FBN3: variants seen among roughly 807,000 people sequenced by gnomAD.
FBN3 encodes the protein fibrillin-3.
FBN3 carries 234 observed loss-of-function variants against 330.1 expected under a neutral mutation model. That is an observed-to-expected ratio of 0.71 (90% CI 0.64 to 0.79). The LOEUF (loss-of-function observed/expected upper bound fraction) is 0.79. Among genes scored for constraint, FBN3 ranks in the 30% least tolerant of loss-of-function variants. FBN3 has a pLI of 0.00. For missense variants in FBN3, 3,606 were observed against 3,886.9 expected (o/e 0.93, Z 1.92); for synonymous variants, 1,458 against 1,517.3 (o/e 0.96, Z 0.91).
intron 13 of FBN3, 25 bp downstream of exon 13, chr19:8,135,936 G>GGGCACCCCCC: frequency 1.5e-6 from 1 of 668,778 alleles, no homozygotes. Flanking sequence ...GGAAGCCCCT[G>GGGCACCCCCC]CCCACCCGCC....
rs546092659 is a variant in FBN3, at chr19:8,125,880, G to A, written c.2731+12C>T. ...ACGTGTGGCCCTGTATGCGGACCTC[G>A]CCTGGACTCACCCACGCACAGCCGG... is the stretch of plus-strand genomic sequence containing the variant. On this transcript the variant is annotated intron_variant, in intron 22 of 63. Coordinates refer to ENST00000600128, the MANE Select transcript of FBN3 (RefSeq NM_032447.5). The A allele has an allele frequency of 1.7e-5, 28 of 1,607,624 alleles. No homozygotes were observed. The highest frequency in any genetic ancestry group is 1.7e-4 in the Middle Eastern group (1 of 6,026).
chr19:8,140,082 C>A (rs552619944), intron 8 of FBN3, among the ~76,000 whole-genome samples: 7 of 152,296 alleles, frequency 4.6e-5, no homozygotes, highest in African/African-American at 1.7e-4. Flanking sequence ...GCTGCAAAAG[C>A]AAGAGGAGGA....
rs1048600045 is a variant in FBN3 at position 8,121,161 on chromosome 19, T to C, written c.3211+97A>G. The C allele has an allele frequency of 5.9e-6, 7 of 1,195,802 alleles. No individual in the cohort carries two copies. The highest frequency in any genetic ancestry group is 4.6e-5 in the Admixed American group (2 of 43,262). 74.1% of individuals were successfully genotyped at this position (1,195,802 alleles called of 1,614,324 possible). On this transcript the variant is annotated intron_variant, in intron 25 of 63. Transcript: ENST00000600128. This position sits in a 1 kb window ranked among gnomAD's most constrained non-coding sequence, Gnocchi z 4.5. ...CTCCTCCCTCCTCCTGCCCCCTCCA[T>C]CCACGTCCACACAGCAACAGCCGTC...
In FBN3 at chr19:8,125,894, A is replaced by T; in HGVS notation, c.2729T>A (p.Val910Glu). The change falls in exon 22 of 64, where the codon GTG (valine) becomes GAG (glutamate). Residue 910 changes from valine (V) to glutamate (E), a missense_variant and splice_region_variant. Coordinates refer to ENST00000600128, the MANE Select transcript of FBN3 (RefSeq NM_032447.5). ...ATGCGGACCTCGCCTGGACTCACCC[A>T]CGCACAGCCGGCCTGAGGCGTCCAG... ...LMLDASGRLCVDVRLEPCFLR... is the reference protein window; with the variant it reads ...LMLDASGRLCEDVRLEPCFLR... 6.2e-7 allele frequency: 1 copy of T among 1,611,638 alleles called. No individual in the cohort carries two copies. Among genetic ancestry groups the T allele is most frequent in the Non-Finnish European group, 8.5e-7 (1 of 1,179,394 alleles).
chr19:8,126,414 C>T (rs2082985808), intron 20 of FBN3, 54 bp downstream of exon 20: 15 of 1,592,568 alleles, frequency 9.4e-6, no homozygotes, highest in Middle Eastern at 3.3e-4. Context: ...GGGGGACCCG[C>T]CCCATGGAGG....
intron 30 of FBN3, among the ~76,000 whole-genome samples, chr19:8,112,629 G>A (rs535142335): frequency 1.3e-5 from 2 of 152,204 alleles, no homozygotes; most frequent in African/African-American, 4.8e-5. Context: ...TAGCCTGGGC[G>A]ACAGAGTGAG....
intron 31 of FBN3, 21 bp from the exon 32 acceptor site, chr19:8,111,791 AC>A: frequency 5.0e-6 from 8 of 1,607,634 alleles, no homozygotes; most frequent in Non-Finnish European, 6.8e-6. Flanking sequence ...TGGAGCCCAG[AC>A]CCCCCACCCC....
At chr19:8,147,628 T>A in intron 1 of FBN3, 131 bp from the exon 2 acceptor site, 1 of 666,478 alleles carries the variant, frequency 1.5e-6, no homozygotes, top group East Asian at 3.1e-5. Context: ...CAAGGAGGCA[T>A]CCAGCCCCAA....
chr19:8,084,923 A>G (rs1050074120), intron 56 of FBN3, among the ~76,000 whole-genome samples: 2 of 148,294 alleles, frequency 1.3e-5, no homozygotes, highest in Admixed American at 6.7e-5. Flanking sequence ...GTCTTGCTCT[A>G]TCACCCAGGC....
At chr19:8,135,007 C>A (rs1180982130) in intron 13 of FBN3, among the ~76,000 whole-genome samples, 1 of 150,456 alleles carries the variant, frequency 6.6e-6, no homozygotes, top group Non-Finnish European at 1.5e-5. Context: ...GAAACAAGGT[C>A]TAGGTCTGTC....
At position 8,096,208 on chromosome 19, in the gene FBN3, C is replaced by T; in HGVS notation, c.5540-128G>A. On this transcript the variant is annotated intron_variant, in intron 44 of 63. Coordinates refer to ENST00000600128, the MANE Select transcript of FBN3 (RefSeq NM_032447.5). The surrounding 1 kb of genome is among the most constrained non-coding windows in gnomAD (Gnocchi z 4.6). ...CCCTGCCTAGATGACTGGGCAGTGACCCCTGGCGGTGATGGCTGGGAAGTA... is the reference window on the plus strand; with the variant it reads ...CCCTGCCTAGATGACTGGGCAGTGATCCCTGGCGGTGATGGCTGGGAAGTA... 1 of 880,520 alleles carries T rather than the reference C, an allele frequency of 1.1e-6. No individual in the cohort carries two copies. Among genetic ancestry groups the T allele is most frequent in the South Asian group, 1.4e-5 (1 of 69,068 alleles). The allele number at this position is 880,520 out of a possible 1,614,324, so 54.5% of individuals were successfully genotyped here. A position where few individuals can be genotyped will look rare whatever the true frequency, so the allele number is the denominator to read the frequency against.
Position 8,123,555 on chromosome 19 carries a change from G to A in FBN3, c.2991C>T (p.Cys997=). 12 of 1,614,214 alleles carry A rather than the reference G, an allele frequency of 7.4e-6. No homozygotes were observed. The highest frequency in any genetic ancestry group is 1.0e-5 in the Non-Finnish European group (12 of 1,180,034). The part of the protein sequence containing the change: ...VNECKVFPGL[C]THGTCRNTVG... ...CCGTGTTTCTGCAGGTACCGTGCGT[G>A]CAGAGGCCAGGGAACACCTTGCATT... The change falls in exon 24 of 64, where the codon TGC becomes TGT. Residue 997 remains cysteine, a synonymous_variant. Coordinates refer to ENST00000600128, the MANE Select transcript of FBN3 (RefSeq NM_032447.5).
intron 55 of FBN3, 148 bp downstream of exon 55, chr19:8,086,052 G>GGGGAACAGGCAGTGGA: frequency 2.4e-6 from 1 of 414,468 alleles, no homozygotes; most frequent in East Asian, 4.5e-5. Context: ...CAGGCAGTGG[G>GGGGAACAGGCAGTGGA]GGGAACAGGC....
chr19:8,123,423 C>G (rs971091284), intron 24 of FBN3, 41 bp downstream of exon 24: 1 of 1,599,566 alleles, frequency 6.3e-7, no homozygotes. Flanking sequence ...CTATCCCTGC[C>G]AAGGATCACG....
At chr19:8,076,005 A>C (rs1172183834) in intron 59 of FBN3, among the ~76,000 whole-genome samples, 1 of 152,142 alleles carries the variant, frequency 6.6e-6, no homozygotes, top group Non-Finnish European at 1.5e-5. Flanking sequence ...TCAGGGTTAG[A>C]TAAGGTCATG....
chr19:8,123,400 T>C, intron 24 of FBN3, 64 bp downstream of exon 24: 2 of 1,551,722 alleles, frequency 1.3e-6, no homozygotes, highest in Non-Finnish European at 8.8e-7. Flanking sequence ...TCTCTACGTC[T>C]TATTTGAGGC....
intron 5 of FBN3, 91 bp from the exon 6 acceptor site, chr19:8,145,063 AG>A: frequency 8.7e-7 from 1 of 1,148,868 alleles, no homozygotes. Flanking sequence ...AGGAATCCCC[AG>A]GATCTGGCCC....
chr19:8,116,261 G>A (rs574531416), intron 29 of FBN3, among the ~76,000 whole-genome samples: 9 of 152,148 alleles, frequency 5.9e-5, no homozygotes, highest in South Asian at 4.2e-4. Flanking sequence ...GACAGCAGTC[G>A]CCACCTTAGA....
At position 8,129,225 on chromosome 19, in the gene FBN3, A is replaced by G. The variant is rs1457296355; in HGVS notation, c.2170+15T>C. On this transcript the variant is annotated intron_variant, in intron 17 of 63. Transcript: ENST00000600128. The surrounding 1 kb of genome is among the most constrained non-coding windows in gnomAD (Gnocchi z 4.5). ...GAGGCTGCCCACACATCCGCCCGCC[A>G]GGTGGCATGCTCACCTGTGCAGTCC... The G allele has an allele frequency of 6.2e-7, 1 of 1,613,600 alleles. No homozygotes were observed. Among genetic ancestry groups the G allele is most frequent in the South Asian group, 1.1e-5 (1 of 91,022 alleles).
Sources: gnomAD v4.1 joint callset for allele counts (sites outside exome capture counted in the v4.1 genomes callset) on GRCh38, gnomAD v4.1.1 for gene constraint, Gnocchi (gnomAD v3.1) non-coding constraint, MANE v1.5 for transcripts, NCBI Gene and HGNC (gene_info 2026-07-23, HGNC 2026-07-21) for gene names.